BAIAP2L1: variants seen among roughly 807,000 people sequenced by gnomAD.
BAIAP2L1 encodes the protein BAR/IMD domain-containing adapter protein 2-like 1.
A neutral mutation model predicts 66.3 loss-of-function variants in BAIAP2L1; 35 were observed. That is an observed-to-expected ratio of 0.53 (90% confidence interval 0.40 to 0.70). BAIAP2L1 has a LOEUF of 0.70. BAIAP2L1 is among the 30% of genes least tolerant of loss of function. BAIAP2L1 has a pLI of 0.00. For synonymous variants in BAIAP2L1, 269 were observed against 248.7 expected (o/e 1.08, Z -0.77); for missense variants, 622 against 656.9 (o/e 0.95, Z 0.58).
At chr7:98,332,460 T>C (rs1047643716) in intron 3 of BAIAP2L1, among the ~76,000 whole-genome samples, 1 of 144,208 alleles carries the variant, frequency 6.9e-6, no homozygotes, top group African/African-American at 2.6e-5. Flanking sequence ...AGGTACAATC[T>C]AGTCTTCCAA....
intron 1 of BAIAP2L1, among the ~76,000 whole-genome samples, chr7:98,392,165 G>C (rs1397388802): frequency 1.7e-5 from 1 of 58,160 alleles, no homozygotes; most frequent in African/African-American, 6.0e-5. Flanking sequence ...AGACCCCCTC[G>C]CTAAAAAAAA....
intron 10 of BAIAP2L1, 157 bp from the exon 11 acceptor site, chr7:98,306,673 T>C (rs1800669068): frequency 1.0e-5 from 11 of 1,088,170 alleles, no homozygotes; most frequent in South Asian, 1.6e-5. Flanking sequence ...TAGGTAAATA[T>C]GGACTTTCAC....
At chr7:98,400,712 G>A (rs1296544048) in intron 1 of BAIAP2L1, 90 bp downstream of exon 1, 35 of 1,419,422 alleles carry the variant, frequency 2.5e-5, no homozygotes, top group Non-Finnish European at 3.1e-5. Context: ...GGGAGCTGGA[G>A]GGAGGGAAAG....
rs1800037422 is a variant in BAIAP2L1 at position 98,293,072 on chromosome 7, T to G, written c.*449A>C. ...TTGCTTAAAATTATGATTTGCATGCTAAGATGCAAACTTACGTGATATCTT... is the reference window on the plus strand; with the variant it reads ...TTGCTTAAAATTATGATTTGCATGCGAAGATGCAAACTTACGTGATATCTT... On this transcript the variant is annotated 3_prime_UTR_variant, in exon 14 of 14. Coordinates refer to ENST00000005260, the MANE Select transcript of BAIAP2L1 (RefSeq NM_018842.5). 57 of 664,748 alleles carry G rather than the reference T, an allele frequency of 8.6e-5. No homozygotes were observed. Among genetic ancestry groups the G allele is most frequent in the Non-Finnish European group, 9.8e-5 (51 of 519,518 alleles). 41.2% of individuals were successfully genotyped at this position (664,748 alleles called of 1,614,324 possible).
At chr7:98,350,740 A>G (rs1801982488) in intron 3 of BAIAP2L1, among the ~76,000 whole-genome samples, 1 of 152,070 alleles carries the variant, frequency 6.6e-6, no homozygotes, top group Non-Finnish European at 1.5e-5. Context: ...CACAGCCCCT[A>G]TTTCTTCCTC....
intron 7 of BAIAP2L1, among the ~76,000 whole-genome samples, chr7:98,313,186 G>A (rs1438533060): frequency 6.6e-6 from 1 of 151,656 alleles, no homozygotes; most frequent in Non-Finnish European, 1.5e-5. Flanking sequence ...CAGCACCGTG[G>A]ACCAGCTGCT....
chr7:98,362,419 T>C lies in BAIAP2L1; in HGVS notation c.65A>G (p.Gln22Arg). The change falls in exon 2 of 14, where the codon CAG (glutamine) becomes CGG (arginine). Residue 22 changes from glutamine (Q) to arginine (R), a missense_variant. Transcript: ENST00000005260. ...TAAATTTCGCAGCCCAGGATTGAAC[T>C]GTTCCATAACATTCTGCCAAACAAA... ...TESTYRNVME[Q>R]FNPGLRNLIN... 6.2e-7 allele frequency: 1 copy of C among 1,610,000 alleles called. No individual in the cohort carries two copies. The highest frequency in any genetic ancestry group is 8.5e-7 in the Non-Finnish European group (1 of 1,178,686).
chr7:98,304,773 T>C (rs997243898), intron 11 of BAIAP2L1, among the ~76,000 whole-genome samples: 4 of 151,924 alleles, frequency 2.6e-5, no homozygotes, highest in African/African-American at 9.7e-5. Flanking sequence ...GGTCTTGAAC[T>C]CCTGACCTCA....
At position 98,294,084 on chromosome 7, in the gene BAIAP2L1, G is replaced by A. The variant is rs768295005; in HGVS notation, c.1450C>T (p.Pro484Ser). The A allele has an allele frequency of 6.2e-7, 1 of 1,614,148 alleles. No homozygotes were observed. The highest frequency in any genetic ancestry group is 8.5e-7 in the Non-Finnish European group (1 of 1,179,950). The change falls in exon 13 of 14, where the codon CCT becomes TCT. Residue 484 changes from proline (P) to serine (S), a missense_variant. By Grantham distance (74) the Pro-to-Ser change is moderately conservative (BLOSUM62 -1). Coordinates refer to ENST00000005260, the MANE Select transcript of BAIAP2L1 (RefSeq NM_018842.5). ...PNDANGTAKP[P>S]FLSGENPFAT... is the part of the protein sequence containing the mutation. Reference sequence around the variant, plus strand: ...GGAAGCCACGCCTACCTGAGAAAAGGCGGCTTTGCAGTCCCGTTGGCATCG... The same window carrying A: ...GGAAGCCACGCCTACCTGAGAAAAGACGGCTTTGCAGTCCCGTTGGCATCG...
chr7:98,311,601 C>T (rs1016859340), intron 8 of BAIAP2L1, among the ~76,000 whole-genome samples: 3 of 150,930 alleles, frequency 2.0e-5, no homozygotes, highest in Non-Finnish European at 3.0e-5. Context: ...AAGATAATAG[C>T]GCCAAACATA....
At chr7:98,381,443 G>C (rs975394337) in intron 1 of BAIAP2L1, among the ~76,000 whole-genome samples, 1 of 152,142 alleles carries the variant, frequency 6.6e-6, no homozygotes, top group Non-Finnish European at 1.5e-5. Flanking sequence ...AAGCCAAGAG[G>C]CCTGCAGGCT....
intron 11 of BAIAP2L1, among the ~76,000 whole-genome samples, chr7:98,304,839 G>A (rs534143876): frequency 9.9e-5 from 15 of 151,378 alleles, no homozygotes; most frequent in African/African-American, 3.2e-4. Flanking sequence ...TGTTTTTAGT[G>A]GTTTCTAAAC....
At chr7:98,371,277 G>A (rs893019694) in intron 1 of BAIAP2L1, among the ~76,000 whole-genome samples, 7 of 152,132 alleles carry the variant, frequency 4.6e-5, no homozygotes, top group African/African-American at 1.7e-4. Context: ...CTGCCAAACT[G>A]GTTTTAACCA....
In BAIAP2L1 at chr7:98,293,479, A is replaced by T; in HGVS notation, c.*42T>A. 6.3e-7 allele frequency: 1 copy of T among 1,576,944 alleles called. No homozygotes were observed. The highest frequency in any genetic ancestry group is 1.7e-5 in the Admixed American group (1 of 59,568). On this transcript the variant is annotated 3_prime_UTR_variant, in exon 14 of 14. Coordinates refer to ENST00000005260, the MANE Select transcript of BAIAP2L1 (RefSeq NM_018842.5). ...GACAGGATGCGCCCATCATTCCGCA[A>T]GGGAGAACCGGAGAGGCCCGGGAGA... is the stretch of plus-strand genomic sequence containing the variant.
At chr7:98,325,704 AT>A (rs1801367297) in intron 3 of BAIAP2L1, among the ~76,000 whole-genome samples, 1 of 152,210 alleles carries the variant, frequency 6.6e-6, no homozygotes, top group African/African-American at 2.4e-5. Flanking sequence ...CAAAAAAAAA[AT>A]AAAAATGTCA....
At chr7:98,384,930 C>T (rs1035691777) in intron 1 of BAIAP2L1, among the ~76,000 whole-genome samples, 5 of 152,112 alleles carry the variant, frequency 3.3e-5, no homozygotes, top group African/African-American at 4.8e-5. Context: ...AACTCCCGAA[C>T]TCAGGTGATC....
At chr7:98,319,722 T>C (rs1281009073) in intron 5 of BAIAP2L1, among the ~76,000 whole-genome samples, 1 of 152,014 alleles carries the variant, frequency 6.6e-6, no homozygotes, top group African/African-American at 2.4e-5. Context: ...AATTTTTTTT[T>C]GTATTTTGAG....
At chr7:98,392,949 C>T (rs954784603) in intron 1 of BAIAP2L1, among the ~76,000 whole-genome samples, 4 of 137,328 alleles carry the variant, frequency 2.9e-5, no homozygotes, top group Non-Finnish European at 6.3e-5. Flanking sequence ...CCCGCCACCA[C>T]GCCCAGCTGA....
intron 1 of BAIAP2L1, among the ~76,000 whole-genome samples, chr7:98,363,120 C>T (rs1267100757): frequency 6.6e-6 from 1 of 150,956 alleles, no homozygotes; most frequent in African/African-American, 2.4e-5. Context: ...CTGCAACCTC[C>T]GCCTACTAGG....
Sources: allele counts gnomAD v4.1 joint callset (sites outside exome capture counted in the v4.1 genomes callset), GRCh38; gene constraint gnomAD v4.1.1; transcripts MANE v1.5; gene names NCBI Gene and HGNC (gene_info 2026-07-23, HGNC 2026-07-21).